Variants in RAD1 observed in about 807,000 individuals in gnomAD.
RAD1 encodes cell cycle checkpoint protein RAD1.
In RAD1, 21 loss-of-function variants were observed where a neutral mutation model predicts 30.0. The observed-to-expected ratio is 0.70, with a 90% CI of 0.50 to 1.01. The LOEUF is 1.01. RAD1 is among the 50% of genes least tolerant of loss of function. RAD1 has a pLI of 0.00. For missense variants in RAD1, 329 were observed against 329.0 expected (o/e 1.00, Z 0.00); for synonymous variants, 109 against 113.6 (o/e 0.96, Z 0.26).
At position 34,906,223 on chromosome 5, in the gene RAD1, C is replaced by T. The variant is rs1233285393; in HGVS notation, c.*2542G>A. The T allele has an allele frequency of 6.6e-6, 1 of 152,148 alleles. No individual in the cohort carries two copies. The highest frequency in any genetic ancestry group is 1.5e-5 in the Non-Finnish European group (1 of 68,046). 9.4% of individuals were successfully genotyped at this position (152,148 alleles called of 1,614,324 possible). On this transcript the variant is annotated 3_prime_UTR_variant, in exon 6 of 6. Transcript: ENST00000382038. ...CCCCCTGCCTCGGCTTCCCAAAATG[C>T]TGGGATTACAGGTGTGAGCCACCAC...
chr5:34,912,748 C>T (rs1371581324), intron 3 of RAD1, among the ~76,000 whole-genome samples: 2 of 151,908 alleles, frequency 1.3e-5, no homozygotes, highest in African/African-American at 4.8e-5. Context: ...GCCTGTAATC[C>T]CAGAACTTAG....
intron 3 of RAD1, among the ~76,000 whole-genome samples, chr5:34,912,893 C>T (rs1461045381): frequency 6.6e-6 from 1 of 151,960 alleles, no homozygotes; most frequent in Non-Finnish European, 1.5e-5. Context: ...CCCAGCTACT[C>T]GGGAGGCTGA....
chr5:34,907,015 A>C lies in RAD1; in HGVS notation c.*1750T>G, dbSNP rs764362139. On this transcript the variant is annotated 3_prime_UTR_variant, in exon 6 of 6. Coordinates refer to ENST00000382038, the MANE Select transcript of RAD1 (RefSeq NM_002853.4). Reference sequence around the variant, plus strand: ...GAAAATTCCAACTTCTTTTGTAGTCACTGCTAAATTTTGTATGCTGAGATT... The same window carrying C: ...GAAAATTCCAACTTCTTTTGTAGTCCCTGCTAAATTTTGTATGCTGAGATT... 3.9e-5 allele frequency: 6 copies of C among 152,136 alleles called. No homozygotes were observed. Among genetic ancestry groups the C allele is most frequent in the Non-Finnish European group, 5.9e-5 (4 of 68,014 alleles). 9.4% of individuals were successfully genotyped at this position (152,136 alleles called of 1,614,324 possible). A position where few individuals can be genotyped will look rare whatever the true frequency, so the allele number is the denominator to read the frequency against.
At position 34,905,671 on chromosome 5, in the gene RAD1, G is replaced by A. The variant is rs552848797; in HGVS notation, c.*3094C>T. The A allele has an allele frequency of 6.6e-6, 1 of 152,028 alleles. No individual in the cohort carries two copies. The highest frequency in any genetic ancestry group is 1.9e-4 in the East Asian group (1 of 5,164). 9.4% of individuals were successfully genotyped at this position (152,028 alleles called of 1,614,324 possible). On this transcript the variant is annotated 3_prime_UTR_variant, in exon 6 of 6. Transcript: ENST00000382038. Reference sequence around the variant, plus strand: ...AAACTTCAAAAAGACAGAACTAAAAGTCTTTAAATATAAGACTGTATTCTT... The same window carrying A: ...AAACTTCAAAAAGACAGAACTAAAAATCTTTAAATATAAGACTGTATTCTT...
chr5:34,914,475 C>T (rs1377125710), intron 2 of RAD1: 1 of 561,642 alleles, frequency 1.8e-6, no homozygotes, highest in Non-Finnish European at 3.1e-6. Context: ...CTCTGTAAAA[C>T]AAGATGGGAA....
Position 34,908,630 on chromosome 5 carries a change from T to G in RAD1, c.*135A>C. ...AAAACATAGTAACTATTAGGGTACA[T>G]GACCTTGCTCCTATCTTCCCCATTG... On this transcript the variant is annotated 3_prime_UTR_variant, in exon 6 of 6. Transcript: ENST00000382038. 3 of 723,178 alleles carry G rather than the reference T, an allele frequency of 4.1e-6. No homozygotes were observed. Among genetic ancestry groups the G allele is most frequent in the South Asian group, 4.2e-5 (2 of 47,698 alleles). The allele number at this position is 723,178 out of a possible 1,614,324, so 44.8% of individuals were successfully genotyped here. A position where few individuals can be genotyped will look rare whatever the true frequency, so the allele number is the denominator to read the frequency against.
chr5:34,911,304 A>T (rs1205190909), intron 4 of RAD1, among the ~76,000 whole-genome samples: 1 of 152,116 alleles, frequency 6.6e-6, no homozygotes, highest in African/African-American at 2.4e-5. Flanking sequence ...TGAAAACACC[A>T]CCAGTTTATA....
chr5:34,912,756 T>TAG (rs1367115339), intron 3 of RAD1, among the ~76,000 whole-genome samples: 1 of 152,278 alleles, frequency 6.6e-6, no homozygotes, highest in East Asian at 1.9e-4. Context: ...TCCCAGAACT[T>TAG]AGAGAGACTG....
At chr5:34,915,171 T>C (rs903101704) in intron 1 of RAD1, among the ~76,000 whole-genome samples, 1 of 152,014 alleles carries the variant, frequency 6.6e-6, no homozygotes, top group Non-Finnish European at 1.5e-5. Flanking sequence ...ACGTGAAAAG[T>C]TGTGAAGAAT....
chr5:34,911,530 TATAACTGC>T lies in RAD1; in HGVS notation c.566+16_566+23del. On this transcript the variant is annotated intron_variant, in intron 4 of 5. Transcript: ENST00000382038. ...AAGATGGAGTACAGACCACATTAAC[TATAACTGC>T]ACTGCTCTCAAGTACCTGAAATAAG... The T allele has an allele frequency of 6.2e-7, 1 of 1,611,898 alleles. No individual in the cohort carries two copies. Among genetic ancestry groups the T allele is most frequent in the Non-Finnish European group, 8.5e-7 (1 of 1,178,648 alleles).
At position 34,906,162 on chromosome 5, in the gene RAD1, G is replaced by GC. The variant is rs1219234713; in HGVS notation, c.*2602dup. On this transcript the variant is annotated 3_prime_UTR_variant, in exon 6 of 6. Coordinates refer to ENST00000382038, the MANE Select transcript of RAD1 (RefSeq NM_002853.4). Reference sequence around the variant, plus strand: ...TAGAGGTAGGGGTTTCACCATGTTGGCCAGGCTGATCTCGAACTTCCTGAC... The same window carrying GC: ...TAGAGGTAGGGGTTTCACCATGTTGGCCCAGGCTGATCTCGAACTTCCTGAC... 1.3e-5 allele frequency: 2 copies of GC among 151,812 alleles called. No individual in the cohort carries two copies. The highest frequency in any genetic ancestry group is 1.3e-4 in the Admixed American group (2 of 15,252). The allele number at this position is 151,812 out of a possible 1,614,324, so 9.4% of individuals were successfully genotyped here. A position where few individuals can be genotyped will look rare whatever the true frequency, so the allele number is the denominator to read the frequency against.
Position 34,906,305 on chromosome 5 carries a change from A to G in RAD1, c.*2460T>C, listed in dbSNP as rs1763652385. 6.6e-6 allele frequency: 1 copy of G among 152,098 alleles called. No individual in the cohort carries two copies. Among genetic ancestry groups the G allele is most frequent in the African/African-American group, 2.4e-5 (1 of 41,414 alleles). 9.4% of individuals were successfully genotyped at this position (152,098 alleles called of 1,614,324 possible). A position where few individuals can be genotyped will look rare whatever the true frequency, so the allele number is the denominator to read the frequency against. ...AAAAATATCCATCCTTACTGAGCTG[A>G]TTTATATTTGTTTTAAATTCTTTTT... On this transcript the variant is annotated 3_prime_UTR_variant, in exon 6 of 6. Transcript: ENST00000382038.
intron 3 of RAD1, 99 bp from the exon 4 acceptor site, chr5:34,911,911 C>T (rs955129355): frequency 4.3e-5 from 59 of 1,374,382 alleles, no homozygotes; most frequent in South Asian, 3.9e-4. Context: ...TAATTTATTC[C>T]GCCCAATTTC....
In RAD1 at chr5:34,907,244, C is replaced by T. The variant is rs1178310742; in HGVS notation, c.*1521G>A. On this transcript the variant is annotated 3_prime_UTR_variant, in exon 6 of 6. Coordinates refer to ENST00000382038, the MANE Select transcript of RAD1 (RefSeq NM_002853.4). Reference sequence around the variant, plus strand: ...ATATATCCTCCAATTTTGGTGAATACAATTGAATGGTTCTCAACAATGAAT... The same window carrying T: ...ATATATCCTCCAATTTTGGTGAATATAATTGAATGGTTCTCAACAATGAAT... 6.6e-6 allele frequency: 1 copy of T among 152,148 alleles called. No homozygotes were observed. The highest frequency in any genetic ancestry group is 2.4e-5 in the African/African-American group (1 of 41,424). 9.4% of individuals were successfully genotyped at this position (152,148 alleles called of 1,614,324 possible).
intron 4 of RAD1, among the ~76,000 whole-genome samples, chr5:34,911,172 ATCT>A (rs1257525815): frequency 3.9e-5 from 6 of 152,364 alleles, no homozygotes; most frequent in East Asian, 3.9e-4. Flanking sequence ...TGTAGAAAAC[ATCT>A]TCTTCTGCAT....
chr5:34,911,963 C>T, intron 3 of RAD1, 151 bp from the exon 4 acceptor site: 1 of 920,868 alleles, frequency 1.1e-6, no homozygotes, highest in Non-Finnish European at 1.7e-6. Flanking sequence ...TGACATCTTC[C>T]CTGATGACAG....
rs1043868947 is a variant in RAD1 at position 34,914,914 on chromosome 5, C to T, written c.-22G>A. 6 of 1,613,198 alleles carry T rather than the reference C, an allele frequency of 3.7e-6. No individual in the cohort carries two copies. In the Admixed American group the frequency reaches 1.0e-4, roughly 27 times the overall value. ...GCATCGTCCACTGCGCATTCGGCCC[C>T]GAGGGATGCTCCTGGGGCCAACAAC... is the stretch of plus-strand genomic sequence containing the variant. On this transcript the variant is annotated 5_prime_UTR_variant, in exon 2 of 6. Coordinates refer to ENST00000382038, the MANE Select transcript of RAD1 (RefSeq NM_002853.4).
At chr5:34,909,483 A>G (rs1561168213) in intron 4 of RAD1, 127 bp from the exon 5 acceptor site, 2 of 567,246 alleles carry the variant, frequency 3.5e-6, no homozygotes, top group South Asian at 2.6e-5. Flanking sequence ...ACAAATGCTT[A>G]TAACACACGA....
rs751191580 is a variant in RAD1, at chr5:34,913,472, G to A, written c.305C>T (p.Pro102Leu). The change falls in exon 3 of 6, where the codon CCA becomes CTA. Residue 102 changes from proline to leucine, a missense_variant and splice_region_variant. Transcript: ENST00000382038. ...TCTTTATACTGATCATAGTTTACCT[G>A]GCATAGGACTTGATCCAAAAATAGA... Reference protein sequence around the residue: ...CLSIFGSSPMPGTLTALRMCY... With the variant: ...CLSIFGSSPMLGTLTALRMCY... 5.1e-5 allele frequency: 79 copies of A among 1,537,058 alleles called. No individual in the cohort carries two copies. The highest frequency in any genetic ancestry group is 7.0e-5 in the Non-Finnish European group (79 of 1,124,466).
Sources: gnomAD v4.1 joint callset for allele counts (sites outside exome capture counted in the v4.1 genomes callset) on GRCh38, gnomAD v4.1.1 for gene constraint, MANE v1.5 for transcripts, NCBI Gene and HGNC (gene_info 2026-07-23, HGNC 2026-07-21) for gene names.